STXBP6: variants seen among roughly 807,000 people sequenced by gnomAD.
STXBP6 encodes the protein syntaxin binding protein 6.
STXBP6 carries 21 observed loss-of-function variants against 26.9 expected under a neutral mutation model. The observed-to-expected ratio is 0.78, with a 90% confidence interval of 0.55 to 1.12. The LOEUF (loss-of-function observed/expected upper bound fraction) is 1.12, where lower values mean the gene tolerates loss of function less well. Among genes scored for constraint, STXBP6 ranks in the 50% most tolerant of loss-of-function variants. The pLI is 0.00. For missense variants in STXBP6, 232 were observed against 257.9 expected (o/e 0.90, Z 0.69); for synonymous variants, 97 against 92.6 (o/e 1.05, Z -0.27).
chr14:24,947,772 C>A (rs1334920187), intron 2 of STXBP6, among the ~76,000 whole-genome samples: 1 of 152,174 alleles, frequency 6.6e-6, no homozygotes, highest in East Asian at 1.9e-4. Context: ...TTCCCAATTG[C>A]AGAATGACAT....
rs566701457 is a variant in STXBP6 at position 25,029,723 on chromosome 14, G to A, written c.-33+20155C>T. Among the ~76,000 whole-genome samples, 111 of 152,144 alleles carry A rather than the reference G, an allele frequency of 7.3e-4. 2 individuals are homozygous for A. The highest frequency in any genetic ancestry group is 2.5e-3 in the African/African-American group (105 of 41,434). On this transcript the variant is annotated intron_variant, in intron 1 of 5. Coordinates refer to ENST00000323944, the MANE Select transcript of STXBP6 (RefSeq NM_001394410.1). ...AGTATAAAGCTCTCCCTGAGAAAAT[G>A]GTAGGTGCTTTCCCTCCTGAAAAGA... is the stretch of plus-strand genomic sequence containing the variant.
chr14:24,906,757 A>C (rs2071398678), intron 2 of STXBP6, among the ~76,000 whole-genome samples: 2 of 152,276 alleles, frequency 1.3e-5, no homozygotes, highest in South Asian at 4.1e-4. Context: ...TTGACTTTTT[A>C]CTTTTTCTGT....
chr14:24,974,916 A>C (rs190002158), intron 1 of STXBP6, 66 bp from the exon 2 acceptor site: 3 of 1,048,142 alleles, frequency 2.9e-6, no homozygotes, highest in African/African-American at 3.2e-5. Context: ...TACAATAATC[A>C]GCAGCAAGTG....
intron 2 of STXBP6, among the ~76,000 whole-genome samples, chr14:24,951,144 G>A (rs1429588872): frequency 6.6e-6 from 1 of 152,178 alleles, no homozygotes; most frequent in Admixed American, 6.5e-5. Context: ...TATCATGGAT[G>A]GACATTTGGG....
At chr14:24,818,672 T>C (rs2068050635) in intron 5 of STXBP6, among the ~76,000 whole-genome samples, 1 of 152,148 alleles carries the variant, frequency 6.6e-6, no homozygotes, top group South Asian at 2.1e-4. Context: ...GTCCTCCATG[T>C]GTTGGCTAAG....
chr14:24,965,437 G>T (rs2073704947), intron 2 of STXBP6, among the ~76,000 whole-genome samples: 1 of 151,604 alleles, frequency 6.6e-6, no homozygotes, highest in South Asian at 2.1e-4. Flanking sequence ...GGGTAAAGGT[G>T]GTGTATGGTC....
At chr14:25,014,862 G>A (rs1261888666) in intron 1 of STXBP6, among the ~76,000 whole-genome samples, 1 of 151,904 alleles carries the variant, frequency 6.6e-6, no homozygotes. Flanking sequence ...TTTTTCTCTT[G>A]GATATAGGGA....
intron 2 of STXBP6, among the ~76,000 whole-genome samples, chr14:24,928,658 T>C (rs1488411714): frequency 6.6e-6 from 1 of 152,176 alleles, no homozygotes; most frequent in East Asian, 1.9e-4. Context: ...CGAAATCATT[T>C]AGTATCTTAG....
intron 2 of STXBP6, among the ~76,000 whole-genome samples, chr14:24,911,252 A>T (rs1326809794): frequency 2.0e-5 from 3 of 152,028 alleles, no homozygotes; most frequent in African/African-American, 7.2e-5. Flanking sequence ...CAGGAGGATC[A>T]TTTGAGCCCG....
intron 2 of STXBP6, among the ~76,000 whole-genome samples, chr14:24,869,021 G>C (rs1595001744): frequency 1.3e-5 from 2 of 152,200 alleles, no homozygotes; most frequent in African/African-American, 4.8e-5. Context: ...CTATCAGACT[G>C]CAAATAACCT....
rs76719880 is a variant in STXBP6, at chr14:24,905,065, T to C, written c.155-47908A>G. On this transcript the variant is annotated intron_variant, in intron 2 of 5. Coordinates refer to ENST00000323944, the MANE Select transcript of STXBP6 (RefSeq NM_001394410.1). ...TATCTAAGTTTCTCATATATATAGG[T>C]ATCCTTTCCAAATAGAAAATTCTGT... Among the ~76,000 whole-genome samples the C allele has an allele frequency of 3.2e-4, 49 of 152,294 alleles. No homozygotes were observed. The East Asian group carries it at 7.5e-3, about 23-fold the overall frequency.
intron 4 of STXBP6, among the ~76,000 whole-genome samples, chr14:24,836,606 CAA>C (rs71449215): frequency 0.039 from 1,724 of 44,138 alleles, 22 homozygotes; most frequent in East Asian, 0.26. Flanking sequence ...GACTCCCTCT[CAA>C]AAAAAAAAAA....
chr14:24,931,134 A>AAAAAAAAAAAACAAAAAC (rs1566486307), intron 2 of STXBP6, among the ~76,000 whole-genome samples: 1 of 117,976 alleles, frequency 8.5e-6, no homozygotes, highest in Non-Finnish European at 1.7e-5. Flanking sequence ...AAAAAAAAAA[A>AAAAAAAAAAAACAAAAAC]AAAAAAAACC....
In STXBP6 at chr14:25,029,013, C is replaced by T. The variant is rs192876252; in HGVS notation, c.-33+20865G>A. 3.8e-4 allele frequency among the ~76,000 whole-genome samples: 58 copies of T among 152,250 alleles called. No individual in the cohort carries two copies. The East Asian group carries it at 5.6e-3, about 15-fold the overall frequency. On this transcript the variant is annotated intron_variant, in intron 1 of 5. Transcript: ENST00000323944. ...TAAAACTTGAATGAATGAGGAGTTG[C>T]TTCTTATGGATGAGCAGAGAAAGTA... is the stretch of plus-strand genomic sequence containing the variant.
At chr14:24,872,434 A>G (rs149822243) in intron 2 of STXBP6, among the ~76,000 whole-genome samples, 118 of 152,218 alleles carry the variant, frequency 7.8e-4, no homozygotes, top group African/African-American at 1.9e-3. Context: ...CTAGGCATGC[A>G]CATTTTGGAG....
intron 2 of STXBP6, among the ~76,000 whole-genome samples, chr14:24,954,104 C>T (rs1450647953): frequency 6.6e-6 from 1 of 152,134 alleles, no homozygotes; most frequent in Non-Finnish European, 1.5e-5. Context: ...TCATCTCTGG[C>T]CTGTGCATAG....
intron 4 of STXBP6, among the ~76,000 whole-genome samples, chr14:24,849,059 G>C (rs1035738041): frequency 5.9e-5 from 9 of 152,058 alleles, no homozygotes; most frequent in Non-Finnish European, 1.2e-4. Flanking sequence ...TGATGCAGTG[G>C]GTACACTGCT....
At chr14:24,906,338 T>C (rs1303478818) in intron 2 of STXBP6, among the ~76,000 whole-genome samples, 2 of 152,192 alleles carry the variant, frequency 1.3e-5, no homozygotes, top group African/African-American at 4.8e-5. Context: ...GATAGGTGTA[T>C]GGCATGCATT....
intron 4 of STXBP6, among the ~76,000 whole-genome samples, chr14:24,850,837 G>C (rs188446365): frequency 1.3e-5 from 2 of 152,252 alleles, no homozygotes; most frequent in Admixed American, 6.5e-5. Flanking sequence ...GAATGAGTTA[G>C]CTAGGGTATT....
Sources: gnomAD v4.1 joint callset for allele counts (sites outside exome capture counted in the v4.1 genomes callset) on GRCh38, gnomAD v4.1.1 for gene constraint, MANE v1.5 for transcripts, NCBI Gene and HGNC (gene_info 2026-07-23, HGNC 2026-07-21) for gene names.